Variants in VPS50 observed in about 807,000 individuals in gnomAD.
VPS50 encodes syndetin.
In VPS50, 70 loss-of-function variants were observed where a neutral mutation model predicts 139.7. The ratio of observed to expected loss-of-function variants is 0.50; its 90% CI spans 0.41 to 0.61. The LOEUF (loss-of-function observed/expected upper bound fraction) is 0.61. Among genes scored for constraint, VPS50 ranks in the 20% least tolerant of loss-of-function variants. The probability of loss-of-function intolerance (pLI) is 0.00; values close to 1 mark genes in which losing one functional copy is unlikely to be tolerated. For synonymous variants in VPS50, 365 were observed against 376.7 expected, an observed-to-expected ratio of 0.97 and a Z score of 0.36; for missense variants, 921 against 1,133.7, an observed-to-expected ratio of 0.81 and a Z score of 2.69.
intron 5 of VPS50, among the ~76,000 whole-genome samples, chr7:93,256,815 A>G (rs1217919887): frequency 6.6e-6 from 1 of 152,118 alleles, no homozygotes; most frequent in Non-Finnish European, 1.5e-5. Flanking sequence ...ACTTTAGAAG[A>G]GCCAGTGAAA....
At chr7:93,297,854 C>T (rs1328277782) in intron 16 of VPS50, among the ~76,000 whole-genome samples, 1 of 152,160 alleles carries the variant, frequency 6.6e-6, no homozygotes, top group African/African-American at 2.4e-5. Flanking sequence ...GGAGAGCTAA[C>T]ATGAGATTTC....
Position 93,232,400 on chromosome 7 carries a change from C to T in VPS50, c.-68C>T. On this transcript the variant is annotated 5_prime_UTR_variant, in exon 1 of 28. Coordinates refer to ENST00000305866, the MANE Select transcript of VPS50 (RefSeq NM_017667.4). The stretch of plus-strand genomic sequence containing the variant: ...CACTATGGCTTCCTAGTGTCAGGGC[C>T]AGCTGTGTAGTGGCTCGGTGTGATT... 2 of 1,361,302 alleles carry T rather than the reference C, an allele frequency of 1.5e-6. No individual in the cohort carries two copies. Among genetic ancestry groups the T allele is most frequent in the Non-Finnish European group, 2.1e-6 (2 of 950,570 alleles). 84.3% of individuals were successfully genotyped at this position (1,361,302 alleles called of 1,614,324 possible). A position where few individuals can be genotyped will look rare whatever the true frequency, so the allele number is the denominator to read the frequency against.
At chr7:93,275,866 A>G in intron 11 of VPS50, 1 of 287,838 alleles carries the variant, frequency 3.5e-6, no homozygotes, top group Non-Finnish European at 6.6e-6. Flanking sequence ...GTAATTAGAG[A>G]TATGGTTGTG....
At chr7:93,294,231 A>ATGGTCTTGCAGTAGGCAGTATTGAGAACC (rs1164807084) in intron 13 of VPS50, among the ~76,000 whole-genome samples, 157 of 152,156 alleles carry the variant, frequency 1.0e-3, no homozygotes, top group African/African-American at 3.7e-3. Flanking sequence ...AGCCTTTTAC[A>ATGGTCTTGCAGTAGGCAGTATTGAGAACC]TGGTCTTGCA....
At chr7:93,303,096 T>G (rs941185110) in intron 16 of VPS50, among the ~76,000 whole-genome samples, 2 of 151,950 alleles carry the variant, frequency 1.3e-5, no homozygotes, top group African/African-American at 4.8e-5. Flanking sequence ...ATCTGTAAAT[T>G]TTTTCTTGAT....
chr7:93,249,466 T>C (rs1229898541), intron 2 of VPS50, among the ~76,000 whole-genome samples: 1 of 152,160 alleles, frequency 6.6e-6, no homozygotes, highest in East Asian at 1.9e-4. Flanking sequence ...AGGTACTATA[T>C]GGAGAACCTC....
chr7:93,332,009 C>G (rs561743578), intron 21 of VPS50, among the ~76,000 whole-genome samples: 1 of 152,298 alleles, frequency 6.6e-6, no homozygotes, highest in African/African-American at 2.4e-5. Flanking sequence ...ATGTTAAAAG[C>G]ACATTGCAAT....
chr7:93,247,665 C>A (rs1429559912), intron 2 of VPS50, among the ~76,000 whole-genome samples: 1 of 151,928 alleles, frequency 6.6e-6, no homozygotes, highest in Non-Finnish European at 1.5e-5. Context: ...ATTTTAACAA[C>A]TGTTTGAGGG....
rs75942975 is a variant in VPS50, at chr7:93,254,687, G to A, written c.297+756G>A. The stretch of plus-strand genomic sequence containing the variant: ...CTCAGTGACTCCCTTTTGTTTATCA[G>A]TAAAGTGATAGGCTTGCATTTTCTT... On this transcript the variant is annotated intron_variant, in intron 4 of 27. Transcript: ENST00000305866. Among the ~76,000 whole-genome samples the A allele has an allele frequency of 6.3e-3, 956 of 152,238 alleles. 11 individuals carry two copies. Among genetic ancestry groups the A allele is most frequent in the African/African-American group, 0.022 (926 of 41,550 alleles).
intron 17 of VPS50, 46 bp from the exon 18 acceptor site, chr7:93,305,782 A>G (rs1182016184): frequency 1.4e-6 from 2 of 1,462,344 alleles, no homozygotes; most frequent in African/African-American, 2.8e-5. Context: ...ATGTACTAGA[A>G]TTTTATTGTT....
At chr7:93,357,581 A>G (rs1201250125) in intron 27 of VPS50, among the ~76,000 whole-genome samples, 2 of 152,148 alleles carry the variant, frequency 1.3e-5, no homozygotes, top group African/African-American at 4.8e-5. Context: ...AAATTGTACT[A>G]TATTTAGTGG....
rs780732983 is a variant in VPS50 at position 93,311,305 on chromosome 7, C to T, written c.1855+33C>T. 4.6e-6 allele frequency: 4 copies of T among 865,234 alleles called. No individual in the cohort carries two copies. The Admixed American group carries it at 5.5e-5, about 12-fold the overall frequency. 53.6% of individuals were successfully genotyped at this position (865,234 alleles called of 1,614,324 possible). A position where few individuals can be genotyped will look rare whatever the true frequency, so the allele number is the denominator to read the frequency against. On this transcript the variant is annotated intron_variant, in intron 20 of 27. Transcript: ENST00000305866. The stretch of plus-strand genomic sequence containing the variant: ...GCTACACCTTTAAAAAAAATTATAA[C>T]AGTTAAATTAGTTTGTTACCGAATG...
At chr7:93,331,967 G>A (rs1423602296) in intron 21 of VPS50, among the ~76,000 whole-genome samples, 1 of 152,198 alleles carries the variant, frequency 6.6e-6, no homozygotes, top group Non-Finnish European at 1.5e-5. Flanking sequence ...CACATGAGAA[G>A]ATGTTTGACA....
In VPS50 at chr7:93,296,817, GT is replaced by G; in HGVS notation, c.1247del (p.Leu416TrpfsTer3). The G allele has an allele frequency of 1.2e-6, 2 of 1,601,606 alleles. No individual in the cohort carries two copies. Among genetic ancestry groups the G allele is most frequent in the Admixed American group, 1.7e-5 (1 of 57,246 alleles). ...SIFKYDDFIF[V>X]LDIISRLMQV... ...ATTCAAATATGATGATTTCATCTTT[GT>G]TTTGGATATAATCAGCAGGTAGTAT... On this transcript the variant is annotated frameshift_variant, in exon 15 of 28. Coordinates refer to ENST00000305866, the MANE Select transcript of VPS50 (RefSeq NM_017667.4). LOFTEE classifies it high-confidence loss of function.
chr7:93,302,080 A>G (rs761337289), intron 16 of VPS50, among the ~76,000 whole-genome samples: 2 of 152,102 alleles, frequency 1.3e-5, no homozygotes, highest in African/African-American at 2.4e-5. Flanking sequence ...ATGTTTGTTC[A>G]AAGCTTTTGT....
chr7:93,241,216 C>T (rs1375152372), intron 2 of VPS50, among the ~76,000 whole-genome samples: 1 of 152,086 alleles, frequency 6.6e-6, no homozygotes, highest in Non-Finnish European at 1.5e-5. Context: ...TGTGTTTCCA[C>T]CATGAGCCAT....
chr7:93,352,963 C>G (rs553686985), intron 25 of VPS50, among the ~76,000 whole-genome samples: 11 of 152,224 alleles, frequency 7.2e-5, no homozygotes, highest in African/African-American at 2.6e-4. Context: ...GAATCTAAAA[C>G]TTCTTGAGTG....
chr7:93,345,307 T>G (rs1798358005), intron 23 of VPS50, among the ~76,000 whole-genome samples: 1 of 152,048 alleles, frequency 6.6e-6, no homozygotes, highest in Non-Finnish European at 1.5e-5. Context: ...AATAGACCAA[T>G]AACAGGAGCT....
chr7:93,270,993 G>T, intron 9 of VPS50: 1 of 484,544 alleles, frequency 2.1e-6, no homozygotes, highest in South Asian at 6.8e-5. Flanking sequence ...TTTATCTGTA[G>T]ATTCTTTCTT....
Sources: gnomAD v4.1 joint callset for allele counts (sites outside exome capture counted in the v4.1 genomes callset) on GRCh38, gnomAD v4.1.1 for gene constraint, MANE v1.5 for transcripts, NCBI Gene and HGNC (gene_info 2026-07-23, HGNC 2026-07-21) for gene names.